The following FSTL1 variants were observed in gnomAD, a reference collection of about 807,000 sequenced individuals.
FSTL1 encodes follistatin like 1.
A neutral mutation model predicts 45.9 loss-of-function variants in FSTL1; 24 were observed. The ratio of observed to expected loss-of-function variants is 0.52; its 90% CI spans 0.38 to 0.74. FSTL1 has a LOEUF of 0.74. FSTL1 is among the 30% of genes least tolerant of loss of function. The pLI is 0.00. For synonymous variants in FSTL1, 120 were observed against 137.6 expected (o/e 0.87, Z 0.89); for missense variants, 340 against 381.8 (o/e 0.89, Z 0.91).
intron 2 of FSTL1, among the ~76,000 whole-genome samples, chr3:120,426,186 T>A (rs1207427364): frequency 1.3e-5 from 2 of 151,876 alleles, no homozygotes; most frequent in Non-Finnish European, 2.9e-5. Context: ...CACACCTAAA[T>A]CCCAGTACCT....
intron 6 of FSTL1, among the ~76,000 whole-genome samples, chr3:120,406,958 C>A (rs982441094): frequency 6.6e-6 from 1 of 152,086 alleles, no homozygotes; most frequent in East Asian, 1.9e-4. Flanking sequence ...TTCCTATATA[C>A]CTTACACATA....
At chr3:120,439,659 A>C (rs935960397) in intron 2 of FSTL1, among the ~76,000 whole-genome samples, 1 of 152,236 alleles carries the variant, frequency 6.6e-6, no homozygotes, top group Non-Finnish European at 1.5e-5. Context: ...TGGGCAGACA[A>C]GCCCTGTGCC....
chr3:120,437,341 A>G (rs1280280622), intron 2 of FSTL1, among the ~76,000 whole-genome samples: 2 of 152,342 alleles, frequency 1.3e-5, no homozygotes, highest in Non-Finnish European at 1.5e-5. Flanking sequence ...AATGAATGAC[A>G]TGCACTTATT....
rs143579863 is a variant in FSTL1 at position 120,423,653 on chromosome 3, A to T, written c.64-7626T>A. ...CATGGTCCACAGTGACGAGTTGGAGAGTCTCCCCTGTGACATACCACACCG... is the reference window on the plus strand; with the variant it reads ...CATGGTCCACAGTGACGAGTTGGAGTGTCTCCCCTGTGACATACCACACCG... On this transcript the variant is annotated intron_variant, in intron 2 of 10. Coordinates refer to ENST00000295633, the MANE Select transcript of FSTL1 (RefSeq NM_007085.5). 5.3e-5 allele frequency: 8 copies of T among 152,150 alleles called. No individual in the cohort carries two copies. In the East Asian group the frequency reaches 1.4e-3, roughly 26 times the overall value. The allele number at this position is 152,150 out of a possible 1,614,324, so 9.4% of individuals were successfully genotyped here.
chr3:120,437,114 G>A (rs1937575833), intron 2 of FSTL1, among the ~76,000 whole-genome samples: 1 of 152,208 alleles, frequency 6.6e-6, no homozygotes, highest in African/African-American at 2.4e-5. Flanking sequence ...TATGTGTGAA[G>A]GGGATCAGAA....
At chr3:120,410,920 A>T (rs767507282) in intron 5 of FSTL1, 32 bp downstream of exon 5, 1 of 1,530,886 alleles carries the variant, frequency 6.5e-7, no homozygotes, top group African/African-American at 1.4e-5. Flanking sequence ...GTCCTCCCTG[A>T]GATGCACACA....
chr3:120,426,934 C>T (rs1196240065), intron 2 of FSTL1, among the ~76,000 whole-genome samples: 1 of 152,052 alleles, frequency 6.6e-6, no homozygotes, highest in East Asian at 1.9e-4. Flanking sequence ...GTAAGCAGAG[C>T]AGGTAGCCAC....
At chr3:120,450,810 C>A in intron 1 of FSTL1, 64 bp from the exon 2 acceptor site, 1 of 1,255,364 alleles carries the variant, frequency 8.0e-7, no homozygotes, top group Non-Finnish European at 1.1e-6. Flanking sequence ...GGGAAACTTG[C>A]TCGGGTCCCG....
Position 120,411,755 on chromosome 3 carries a change from G to T in FSTL1, c.298+99C>A, listed in dbSNP as rs932904868. ...CTTTCCACAGCTTTGAGAGGCTGTG[G>T]TCGTGGAGGAAAGACCATGTGGTCA... On this transcript the variant is annotated intron_variant, in intron 4 of 10. Transcript: ENST00000295633. The T allele has an allele frequency of 6.6e-6, 7 of 1,057,600 alleles. No homozygotes were observed. In the African/African-American group the frequency reaches 7.8e-5, roughly 12 times the overall value. 65.5% of individuals were successfully genotyped at this position (1,057,600 alleles called of 1,614,324 possible).
intron 3 of FSTL1, among the ~76,000 whole-genome samples, chr3:120,415,217 A>G (rs1381170381): frequency 1.3e-5 from 2 of 152,056 alleles, no homozygotes; most frequent in Non-Finnish European, 2.9e-5. Flanking sequence ...CCTGGTGTCA[A>G]TCAATGCTAC....
chr3:120,429,874 A>C (rs1576222791), intron 2 of FSTL1, among the ~76,000 whole-genome samples: 1 of 152,188 alleles, frequency 6.6e-6, no homozygotes, highest in African/African-American at 2.4e-5. Context: ...TTTGTCACCT[A>C]AGGGAGATAG....
intron 2 of FSTL1, among the ~76,000 whole-genome samples, chr3:120,420,797 C>T (rs1937262645): frequency 6.6e-6 from 1 of 152,214 alleles, no homozygotes; most frequent in Non-Finnish European, 1.5e-5. Context: ...AGGCTCACAG[C>T]TACATGTGAC....
intron 2 of FSTL1, among the ~76,000 whole-genome samples, chr3:120,433,867 A>G (rs1245382443): frequency 6.6e-6 from 1 of 152,254 alleles, no homozygotes; most frequent in Non-Finnish European, 1.5e-5. Flanking sequence ...GTGTAGCCAT[A>G]GCACTGGGTC....
chr3:120,398,298 A>T (rs1230031237), intron 10 of FSTL1, among the ~76,000 whole-genome samples: 1 of 152,202 alleles, frequency 6.6e-6, no homozygotes, highest in Non-Finnish European at 1.5e-5. Context: ...TCTAGCAGAC[A>T]CTGGTGTTCC....
chr3:120,415,010 A>AG (rs1235115935), intron 3 of FSTL1, among the ~76,000 whole-genome samples: 4 of 151,348 alleles, frequency 2.6e-5, no homozygotes, highest in Non-Finnish European at 5.9e-5. Context: ...AATTAAAAAA[A>AG]AAAGAAAGAA....
intron 2 of FSTL1, 33 bp downstream of exon 2, chr3:120,450,651 G>C: frequency 6.7e-7 from 1 of 1,489,408 alleles, no homozygotes; most frequent in South Asian, 1.2e-5. Flanking sequence ...AGGCCCCGGG[G>C]ACCGAGTTCG....
intron 6 of FSTL1, among the ~76,000 whole-genome samples, chr3:120,407,132 A>G (rs1173722213): frequency 6.6e-6 from 1 of 152,234 alleles, no homozygotes; most frequent in East Asian, 1.9e-4. Context: ...CATTTGAGGT[A>G]ACAAAACTTT....
At chr3:120,435,652 T>C (rs1366796928) in intron 2 of FSTL1, among the ~76,000 whole-genome samples, 1 of 152,206 alleles carries the variant, frequency 6.6e-6, no homozygotes, top group African/African-American at 2.4e-5. Context: ...CACTTCAGCC[T>C]AGGCAGAGAA....
intron 10 of FSTL1, 26 bp downstream of exon 10, chr3:120,399,849 CAACACCTG>C (rs1454429174): frequency 2.7e-6 from 4 of 1,464,780 alleles, no homozygotes; most frequent in Non-Finnish European, 3.8e-6. Context: ...ATGGCAACAG[CAACACCTG>C]AACCAGCACG....
Sources: allele counts gnomAD v4.1 joint callset (sites outside exome capture counted in the v4.1 genomes callset), GRCh38; gene constraint gnomAD v4.1.1; transcripts MANE v1.5; gene names NCBI Gene and HGNC (gene_info 2026-07-23, HGNC 2026-07-21).